SYT14: variants seen among roughly 807,000 people sequenced by gnomAD.
The protein encoded by SYT14 is synaptotagmin 14.
In SYT14, 32 loss-of-function variants were observed where a neutral mutation model predicts 74.2. That is an observed-to-expected ratio of 0.43 (90% CI 0.33 to 0.58). The LOEUF is 0.58. SYT14 is among the 20% of genes least tolerant of loss of function. The pLI is 0.05. For missense variants in SYT14, 791 were observed against 981.8 expected, an observed-to-expected ratio of 0.81 and a Z score of 2.60; for synonymous variants, 298 against 337.7, an observed-to-expected ratio of 0.88 and a Z score of 1.29.
At chr1:210,169,221 G>GGT (rs2083492295) in exon 10 of SYT14, 1 of 50,248 alleles carries the variant, frequency 2.0e-5, no homozygotes, top group African/African-American at 7.8e-5. Context: ...TGTTTTTGGT[G>GGT]TTTTTTTTTT....
intron 5 of SYT14, among the ~76,000 whole-genome samples, chr1:210,074,917 G>C (rs926563760): frequency 1.3e-5 from 2 of 152,010 alleles, no homozygotes; most frequent in African/African-American, 4.8e-5. Context: ...AGCTCAATTA[G>C]ACCCCTGCCT....
chr1:210,128,886 A>T (rs921910017), intron 7 of SYT14, among the ~76,000 whole-genome samples: 2 of 152,222 alleles, frequency 1.3e-5, no homozygotes, highest in African/African-American at 2.4e-5. Context: ...GAGTTGAAGT[A>T]TATATTTTGG....
At chr1:210,075,904 G>C (rs2081492235) in intron 5 of SYT14, among the ~76,000 whole-genome samples, 1 of 152,136 alleles carries the variant, frequency 6.6e-6, no homozygotes, top group Non-Finnish European at 1.5e-5. Flanking sequence ...GTGTTAAATA[G>C]TACCTGCATG....
intron 6 of SYT14, among the ~76,000 whole-genome samples, chr1:210,098,591 A>C (rs958424930): frequency 6.6e-6 from 1 of 152,140 alleles, no homozygotes; most frequent in African/African-American, 2.4e-5. Context: ...AATGTTTCAC[A>C]CGTAAATTAT....
intron 2 of SYT14, among the ~76,000 whole-genome samples, chr1:209,980,343 A>G (rs186064114): frequency 5.3e-5 from 8 of 152,246 alleles, no homozygotes; most frequent in East Asian, 3.9e-4. Context: ...GATGCTAGGT[A>G]TTAGACCTTT....
intron 5 of SYT14, among the ~76,000 whole-genome samples, chr1:210,030,491 G>T (rs912255407): frequency 3.9e-5 from 6 of 152,040 alleles, no homozygotes; most frequent in Non-Finnish European, 5.9e-5. Flanking sequence ...TTTCTAAGGT[G>T]GAATCTTTAG....
At chr1:210,071,171 G>A (rs911194512) in intron 5 of SYT14, among the ~76,000 whole-genome samples, 1 of 112,894 alleles carries the variant, frequency 8.9e-6, no homozygotes, top group Admixed American at 8.5e-5. Flanking sequence ...TTGAGGCATT[G>A]TGAGTGTTGA....
At chr1:209,957,662 G>A (rs1010789703) in intron 2 of SYT14, among the ~76,000 whole-genome samples, 1 of 151,932 alleles carries the variant, frequency 6.6e-6, no homozygotes, top group African/African-American at 2.4e-5. Flanking sequence ...CCCTACTTCA[G>A]GTGATCTACC....
At chr1:210,067,005 G>A (rs777138733) in intron 5 of SYT14, among the ~76,000 whole-genome samples, 4 of 151,912 alleles carry the variant, frequency 2.6e-5, no homozygotes, top group Non-Finnish European at 5.9e-5. Flanking sequence ...TAAGATAAGG[G>A]TCTAATTTCA....
intron 3 of SYT14, among the ~76,000 whole-genome samples, chr1:210,014,365 A>T (rs1219547591): frequency 6.6e-6 from 1 of 151,342 alleles, no homozygotes; most frequent in East Asian, 1.9e-4. Flanking sequence ...ACTAGGAAAG[A>T]TGAGGGCTGT....
intron 5 of SYT14, among the ~76,000 whole-genome samples, chr1:210,088,893 A>G (rs1028076698): frequency 6.7e-6 from 1 of 150,274 alleles, no homozygotes; most frequent in Admixed American, 6.6e-5. Context: ...TTTTTTTTTT[A>G]TTATACTTTA....
At chr1:210,163,661 A>AATATACATT (rs1479317138) in exon 10 of SYT14, 1 of 453,648 alleles carries the variant, frequency 2.2e-6, no homozygotes, top group African/African-American at 2.0e-5. Context: ...CACACAGCAA[A>AATATACATT]ATATACATTT....
rs191124753 is a variant in SYT14 at position 209,962,725 on chromosome 1, A to G, written c.-486+9969A>G. 3.9e-3 allele frequency among the ~76,000 whole-genome samples: 601 copies of G among 152,278 alleles called. 2 individuals are homozygous for G. Among genetic ancestry groups the G allele is most frequent in the African/African-American group, 0.013 (560 of 41,578 alleles). On this transcript the variant is annotated intron_variant, in intron 2 of 9. Transcript: ENST00000637265. ...AGTCTTTGAAGGGGAATGAAGTTCA[A>G]GAGATAAAGGGAAAGATTATATTAT...
At chr1:210,028,912 C>G (rs1161113799) in intron 5 of SYT14, among the ~76,000 whole-genome samples, 1 of 152,128 alleles carries the variant, frequency 6.6e-6, no homozygotes, top group Non-Finnish European at 1.5e-5. Context: ...GTTCCAATTT[C>G]TCTGCCTCCT....
intron 7 of SYT14, among the ~76,000 whole-genome samples, chr1:210,139,642 A>C (rs1355190513): frequency 6.6e-6 from 1 of 152,158 alleles, no homozygotes; most frequent in African/African-American, 2.4e-5. Context: ...TGTAGCCATT[A>C]GCAATTACAC....
chr1:210,110,277 T>C (rs1214913483), intron 7 of SYT14, among the ~76,000 whole-genome samples: 3 of 152,088 alleles, frequency 2.0e-5, no homozygotes, highest in Admixed American at 2.0e-4. Context: ...AAAAAAAATT[T>C]TTAAAAGAAG....
At chr1:209,949,112 A>G (rs2078868815) in intron 1 of SYT14, among the ~76,000 whole-genome samples, 1 of 152,244 alleles carries the variant, frequency 6.6e-6, no homozygotes, top group Non-Finnish European at 1.5e-5. Flanking sequence ...TTACTTTTCA[A>G]GACAAAATAG....
chr1:209,941,812 A>C (rs2102642090), intron 1 of SYT14, among the ~76,000 whole-genome samples: 1 of 152,248 alleles, frequency 6.6e-6, no homozygotes, highest in East Asian at 1.9e-4. Context: ...CGTGGGGGAG[A>C]TTGGTTCCAG....
rs564851093 is a variant in SYT14, at chr1:209,983,500, A to G, written c.-485-30133A>G. Among the ~76,000 whole-genome samples the G allele has an allele frequency of 1.2e-4, 19 of 152,244 alleles. No homozygotes were observed. In the South Asian group the frequency reaches 3.9e-3, roughly 32 times the overall value. On this transcript the variant is annotated intron_variant, in intron 2 of 9. Transcript: ENST00000637265. ...GCCAAATCTGCCATTGAACATCTCC[A>G]GTAAACTTTCATTTGATCTAGTGTA...
Sources: gnomAD v4.1 joint callset for allele counts (sites outside exome capture counted in the v4.1 genomes callset) on GRCh38, gnomAD v4.1.1 for gene constraint, MANE v1.5 for transcripts, NCBI Gene and HGNC (gene_info 2026-07-23, HGNC 2026-07-21) for gene names.